Variants in PDE7B observed in about 807,000 individuals in gnomAD.
PDE7B encodes the protein phosphodiesterase 7B, also known as 3',5'-cyclic-AMP phosphodiesterase 7B.
Under a neutral mutation model 56.2 loss-of-function variants are expected in PDE7B, and 29 were observed. That is an observed-to-expected ratio of 0.52 (90% CI 0.38 to 0.70). The LOEUF is 0.70. PDE7B is among the 30% of genes least tolerant of loss of function. The pLI is 0.00. For missense variants in PDE7B, 490 were observed against 565.0 expected (o/e 0.87, Z 1.35); for synonymous variants, 197 against 196.9 (o/e 1.00, Z 0.00).
chr6:135,979,978 G>A (rs1470465756), intron 2 of PDE7B, among the ~76,000 whole-genome samples: 4 of 151,992 alleles, frequency 2.6e-5, no homozygotes, highest in African/African-American at 7.2e-5. Context: ...AGCCCACATC[G>A]CCAAGTCAAT....
chr6:136,170,358 G>A (rs372833677), intron 8 of PDE7B, among the ~76,000 whole-genome samples: 2 of 152,032 alleles, frequency 1.3e-5, no homozygotes, highest in Admixed American at 1.3e-4. Flanking sequence ...GTGGTATTAA[G>A]CACATTCATA....
At chr6:135,857,342 C>A (rs1353702347) in intron 1 of PDE7B, among the ~76,000 whole-genome samples, 2 of 152,052 alleles carry the variant, frequency 1.3e-5, no homozygotes, top group Non-Finnish European at 2.9e-5. Context: ...ATAAAATATT[C>A]TTTCTACAAG....
At chr6:135,870,076 T>C (rs1173436238) in intron 1 of PDE7B, among the ~76,000 whole-genome samples, 1 of 152,106 alleles carries the variant, frequency 6.6e-6, no homozygotes, top group East Asian at 1.9e-4. Flanking sequence ...GTGTGGAGAA[T>C]GGGTTGTCAG....
chr6:135,914,911 G>A (rs1776274555), intron 1 of PDE7B, among the ~76,000 whole-genome samples: 1 of 151,614 alleles, frequency 6.6e-6, no homozygotes. Context: ...TGACCAACAT[G>A]GTGAAAGCTC....
At chr6:135,873,619 T>C (rs1441977334) in intron 1 of PDE7B, among the ~76,000 whole-genome samples, 1 of 152,146 alleles carries the variant, frequency 6.6e-6, no homozygotes, top group Admixed American at 6.6e-5. Flanking sequence ...TTGGAGGGCA[T>C]TGTTTTTATC....
chr6:135,899,607 G>A (rs566516850), intron 1 of PDE7B, among the ~76,000 whole-genome samples: 6 of 151,716 alleles, frequency 4.0e-5, no homozygotes, highest in East Asian at 3.9e-4. Flanking sequence ...TTATATACTC[G>A]TCTGTTTTCC....
At chr6:136,129,047 TTC>T (rs1237193376) in intron 3 of PDE7B, among the ~76,000 whole-genome samples, 1 of 152,148 alleles carries the variant, frequency 6.6e-6, no homozygotes, top group Non-Finnish European at 1.5e-5. Context: ...CATTAACTCT[TTC>T]TGAGTGATAT....
intron 3 of PDE7B, among the ~76,000 whole-genome samples, chr6:136,109,497 TTA>T (rs1777708889): frequency 6.6e-6 from 1 of 152,238 alleles, no homozygotes; most frequent in South Asian, 2.1e-4. Flanking sequence ...ACAGTTGCCC[TTA>T]GTAACCTACC....
intron 1 of PDE7B, among the ~76,000 whole-genome samples, chr6:135,885,121 T>C (rs1775679137): frequency 6.6e-6 from 1 of 152,168 alleles, no homozygotes; most frequent in Non-Finnish European, 1.5e-5. Context: ...ATCATATTTC[T>C]ATTCTTCTCT....
intron 8 of PDE7B, among the ~76,000 whole-genome samples, chr6:136,168,725 GA>G (rs1778835435): frequency 6.6e-6 from 1 of 152,260 alleles, no homozygotes; most frequent in Non-Finnish European, 1.5e-5. Context: ...TGAGGGTTGA[GA>G]GTGAACAATG....
At position 136,177,798 on chromosome 6, in the gene PDE7B, C is replaced by T. The variant is rs116604337; in HGVS notation, c.804-1199C>T. ...GACCCCAGGGAGACTTCTGCACATG[C>T]GTAACTAGAGGTATATAAGAATATT... On this transcript the variant is annotated intron_variant, in intron 9 of 12. Transcript: ENST00000308191. 4.8e-3 allele frequency among the ~76,000 whole-genome samples: 730 copies of T among 152,038 alleles called. 4 individuals are homozygous for T. Among genetic ancestry groups the T allele is most frequent in the African/African-American group, 0.017 (685 of 41,434 alleles).
rs1198263279 is a variant in PDE7B at position 136,193,693 on chromosome 6, A to T, written c.*1853A>T. 1 of 152,236 alleles carries T rather than the reference A, an allele frequency of 6.6e-6. No individual in the cohort carries two copies. Among genetic ancestry groups the T allele is most frequent in the Non-Finnish European group, 1.5e-5 (1 of 68,044 alleles). 9.4% of individuals were successfully genotyped at this position (152,236 alleles called of 1,614,324 possible). On this transcript the variant is annotated 3_prime_UTR_variant, in exon 13 of 13. Transcript: ENST00000308191. ...CTGATCCTCATGCTGATAGAATGAC[A>T]GCTAGCACTTATTTCCTAAGTGCAA...
intron 3 of PDE7B, among the ~76,000 whole-genome samples, chr6:136,118,897 G>T (rs1393878918): frequency 6.6e-6 from 1 of 152,058 alleles, no homozygotes; most frequent in African/African-American, 2.4e-5. Flanking sequence ...TAAAAAATCA[G>T]ATTTTGCAAT....
At chr6:136,094,658 G>A (rs980101512) in intron 2 of PDE7B, 1 of 152,154 alleles carries the variant, frequency 6.6e-6, no homozygotes, top group Non-Finnish European at 1.5e-5. Context: ...TCCCTATAGA[G>A]GGCAATTTAC....
intron 1 of PDE7B, among the ~76,000 whole-genome samples, chr6:135,947,017 G>T (rs1161539924): frequency 6.6e-6 from 1 of 152,056 alleles, no homozygotes; most frequent in Non-Finnish European, 1.5e-5. Flanking sequence ...TCCAAGTTCA[G>T]AGAGATAAAG....
intron 3 of PDE7B, among the ~76,000 whole-genome samples, chr6:136,146,646 C>T (rs1583907443): frequency 6.6e-6 from 1 of 152,160 alleles, no homozygotes; most frequent in Non-Finnish European, 1.5e-5. Context: ...TGGAAAAATT[C>T]ATCATACAAG....
At chr6:136,122,494 G>A (rs1015631531) in intron 3 of PDE7B, among the ~76,000 whole-genome samples, 10 of 152,112 alleles carry the variant, frequency 6.6e-5, no homozygotes, top group African/African-American at 2.4e-4. Context: ...AACCTTCTAT[G>A]CCTAAGATCA....
chr6:135,888,906 A>C (rs919372572), intron 1 of PDE7B, among the ~76,000 whole-genome samples: 4 of 152,168 alleles, frequency 2.6e-5, no homozygotes, highest in Non-Finnish European at 5.9e-5. Flanking sequence ...TAAAACAATA[A>C]GAAATACTAT....
intron 2 of PDE7B, among the ~76,000 whole-genome samples, chr6:135,947,884 A>T (rs368258343): frequency 3.7e-4 from 57 of 152,224 alleles, no homozygotes; most frequent in African/African-American, 1.3e-3. Flanking sequence ...GTAAATTATT[A>T]AGTCCTTACA....
Sources: gnomAD v4.1 joint callset for allele counts (sites outside exome capture counted in the v4.1 genomes callset) on GRCh38, gnomAD v4.1.1 for gene constraint, MANE v1.5 for transcripts, NCBI Gene and HGNC (gene_info 2026-07-23, HGNC 2026-07-21) for gene names.